Variants in DIAPH3 observed in about 807,000 individuals in gnomAD.
DIAPH3 encodes protein diaphanous homolog 3.
Under a neutral mutation model 144.3 loss-of-function variants are expected in DIAPH3, and 117 were observed. That is an observed-to-expected ratio of 0.81 (90% confidence interval 0.70 to 0.95). The LOEUF (loss-of-function observed/expected upper bound fraction) is 0.95. DIAPH3 is among the 40% of genes least tolerant of loss of function. DIAPH3 has a pLI of 0.00. For missense variants in DIAPH3, 1,421 were observed against 1,412.7 expected, an observed-to-expected ratio of 1.01 and a Z score of -0.09; for synonymous variants, 519 against 488.9, an observed-to-expected ratio of 1.06 and a Z score of -0.81.
At chr13:60,044,473 C>A (rs995148500) in intron 4 of DIAPH3, 6 of 151,940 alleles carry the variant, frequency 3.9e-5, no homozygotes, top group African/African-American at 1.5e-4. Flanking sequence ...AATGAACATC[C>A]GATTATTTTT....
At chr13:60,152,296 G>T (rs1469880760) in intron 1 of DIAPH3, among the ~76,000 whole-genome samples, 1 of 152,044 alleles carries the variant, frequency 6.6e-6, no homozygotes, top group Non-Finnish European at 1.5e-5. Context: ...TCAAGAGGGT[G>T]TGTACTTAGA....
At chr13:59,971,592 ATAAG>A (rs750748619) in intron 15 of DIAPH3, among the ~76,000 whole-genome samples, 63 of 152,208 alleles carry the variant, frequency 4.1e-4, no homozygotes, top group Non-Finnish European at 8.5e-4. Flanking sequence ...CATTTAAGTG[ATAAG>A]TAAGAAATAA....
At chr13:59,819,092 T>C (rs1286034702) in intron 24 of DIAPH3, among the ~76,000 whole-genome samples, 1 of 151,918 alleles carries the variant, frequency 6.6e-6, no homozygotes, top group African/African-American at 2.4e-5. Context: ...TCTTACTTAA[T>C]TGAACTTAAT....
chr13:59,836,696 T>TATA (rs1263167434), intron 23 of DIAPH3, among the ~76,000 whole-genome samples: 1 of 151,910 alleles, frequency 6.6e-6, no homozygotes, highest in Non-Finnish European at 1.5e-5. Flanking sequence ...TTCACTAAAT[T>TATA]ATAATTATTT....
intron 25 of DIAPH3, among the ~76,000 whole-genome samples, chr13:59,783,071 GA>G (rs754920582): frequency 1.3e-5 from 2 of 152,070 alleles, no homozygotes; most frequent in Non-Finnish European, 2.9e-5. Context: ...TTCTACTTTA[GA>G]AAGAATATTT....
intron 27 of DIAPH3, among the ~76,000 whole-genome samples, chr13:59,723,645 C>G (rs2035456705): frequency 6.6e-6 from 1 of 151,360 alleles, no homozygotes; most frequent in African/African-American, 2.4e-5. Context: ...AAGTCTCACA[C>G]TGTCACCTGG....
At chr13:59,795,867 T>C (rs1420681500) in intron 25 of DIAPH3, among the ~76,000 whole-genome samples, 2 of 152,294 alleles carry the variant, frequency 1.3e-5, no homozygotes, top group Admixed American at 6.5e-5. Context: ...TCTAAGCTCA[T>C]GCTTACCATT....
Position 60,142,654 on chromosome 13 carries a change from C to G in DIAPH3, c.181-9665G>C, listed in dbSNP as rs2138322420. Among the ~76,000 whole-genome samples the G allele has an allele frequency of 1.3e-5, 2 of 152,208 alleles. 1 individual carries two copies. Among genetic ancestry groups the G allele is most frequent in the South Asian group, 4.1e-4 (2 of 4,822 alleles). Reference sequence around the variant, plus strand: ...GACAGCCCAGCACCAGCCATGGTTGCCCCTCCTCCAGCTCCTACCATCAGG... The same window carrying G: ...GACAGCCCAGCACCAGCCATGGTTGGCCCTCCTCCAGCTCCTACCATCAGG... On this transcript the variant is annotated intron_variant, in intron 1 of 27. Transcript: ENST00000400324.
intron 27 of DIAPH3, among the ~76,000 whole-genome samples, chr13:59,691,106 G>T (rs558369456): frequency 2.0e-4 from 31 of 152,216 alleles, no homozygotes; most frequent in African/African-American, 6.7e-4. Context: ...GGAGGTAAAA[G>T]GGTCTGGTGT....
intron 12 of DIAPH3, among the ~76,000 whole-genome samples, chr13:59,988,131 AG>A (rs1351404818): frequency 6.6e-6 from 1 of 151,868 alleles, no homozygotes; most frequent in Non-Finnish European, 1.5e-5. Context: ...ACACTAGCAA[AG>A]ATGACTAATG....
intron 17 of DIAPH3, among the ~76,000 whole-genome samples, chr13:59,936,563 A>G (rs952886731): frequency 1.3e-5 from 2 of 152,200 alleles, no homozygotes; most frequent in African/African-American, 2.4e-5. Context: ...TCTATCACAT[A>G]TATCTTAGTG....
At chr13:59,808,454 G>T (rs539861484) in intron 25 of DIAPH3, among the ~76,000 whole-genome samples, 1 of 151,974 alleles carries the variant, frequency 6.6e-6, no homozygotes, top group Non-Finnish European at 1.5e-5. Flanking sequence ...ATTCAACCAA[G>T]GCACAATCAT....
intron 17 of DIAPH3, among the ~76,000 whole-genome samples, chr13:59,965,228 T>C (rs780455184): frequency 3.3e-5 from 5 of 152,100 alleles, no homozygotes; most frequent in Non-Finnish European, 7.4e-5. Flanking sequence ...GCCATAACTA[T>C]TCAGTTGAGA....
At chr13:59,762,050 A>ATTTTTTTTTTTTTTTTTTTTTT (rs1566273881) in intron 27 of DIAPH3, among the ~76,000 whole-genome samples, 1 of 118,990 alleles carries the variant, frequency 8.4e-6, no homozygotes, top group Non-Finnish European at 1.7e-5. Flanking sequence ...AAGCGTCAGC[A>ATTTTTTTTTTTTTTTTTTTTTT]TCTTTTTTTT....
chr13:59,788,695 C>A (rs1353908868), intron 25 of DIAPH3, among the ~76,000 whole-genome samples: 1 of 151,994 alleles, frequency 6.6e-6, no homozygotes, highest in East Asian at 1.9e-4. Flanking sequence ...AAAAATGAGG[C>A]ATATTTAAAT....
At chr13:59,930,548 C>G (rs2047973693) in intron 17 of DIAPH3, among the ~76,000 whole-genome samples, 1 of 152,030 alleles carries the variant, frequency 6.6e-6, no homozygotes, top group Admixed American at 6.6e-5. Context: ...TGCAAAAACT[C>G]TAAAGGCACT....
chr13:59,817,876 T>G (rs1162027228), intron 24 of DIAPH3, among the ~76,000 whole-genome samples: 1 of 151,994 alleles, frequency 6.6e-6, no homozygotes, highest in Non-Finnish European at 1.5e-5. Flanking sequence ...CTCCCTTGAC[T>G]AAAATAAAGA....
intron 24 of DIAPH3, among the ~76,000 whole-genome samples, chr13:59,830,250 G>C (rs1465803827): frequency 6.6e-6 from 1 of 151,634 alleles, no homozygotes. Flanking sequence ...GGACTTCAAA[G>C]CGATATATTT....
chr13:59,755,917 A>T (rs1199174764), intron 27 of DIAPH3, among the ~76,000 whole-genome samples: 2 of 152,346 alleles, frequency 1.3e-5, no homozygotes, highest in South Asian at 4.1e-4. Context: ...AATAGCTATT[A>T]TTATGATCAG....
Sources: gnomAD v4.1 joint callset for allele counts (sites outside exome capture counted in the v4.1 genomes callset) on GRCh38, gnomAD v4.1.1 for gene constraint, MANE v1.5 for transcripts, NCBI Gene and HGNC (gene_info 2026-07-23, HGNC 2026-07-21) for gene names.